The following CNBD1 variants were observed in gnomAD, a reference collection of about 807,000 sequenced individuals.
The protein encoded by CNBD1 is cyclic nucleotide binding domain containing 1.
Under a neutral mutation model 54.4 loss-of-function variants are expected in CNBD1, and 71 were observed. The ratio of observed to expected loss-of-function variants is 1.30; its 90% confidence interval spans 1.08 to 1.59. CNBD1 has a LOEUF of 1.59. Ranked by LOEUF, CNBD1 falls within the 40% of genes most tolerant of loss-of-function variation. CNBD1 has a pLI of 0.00. For synonymous variants in CNBD1, 182 were observed against 170.7 expected (o/e 1.07, Z -0.51); for missense variants, 659 against 518.0 (o/e 1.27, Z -2.64).
chr8:87,064,159 T>C (rs1411496896), intron 4 of CNBD1, among the ~76,000 whole-genome samples: 1 of 152,050 alleles, frequency 6.6e-6, no homozygotes. Context: ...CATAGAGTTG[T>C]GGTTCTCTCC....
chr8:87,252,903 T>C (rs1181337824), intron 6 of CNBD1, among the ~76,000 whole-genome samples: 1 of 152,070 alleles, frequency 6.6e-6, no homozygotes, highest in East Asian at 1.9e-4. Context: ...AAAGGAAAAG[T>C]AGGGCTTGAC....
At chr8:87,102,179 G>A (rs897854475) in intron 4 of CNBD1, among the ~76,000 whole-genome samples, 3 of 152,168 alleles carry the variant, frequency 2.0e-5, no homozygotes, top group Middle Eastern at 3.4e-3. Flanking sequence ...GAACCACTTC[G>A]TCCGGCCCAG....
chr8:87,382,507 C>T (rs1220359915), intron 10 of CNBD1, 113 bp from the exon 11 acceptor site: 4 of 742,162 alleles, frequency 5.4e-6, no homozygotes, highest in African/African-American at 1.8e-5. Context: ...TCTTTTAAAG[C>T]ATAACCCCTC....
intron 4 of CNBD1, among the ~76,000 whole-genome samples, chr8:87,198,977 C>T (rs571325233): frequency 6.6e-6 from 1 of 152,178 alleles, no homozygotes; most frequent in Admixed American, 6.5e-5. Context: ...GGGCAATAGG[C>T]ATGTCACAGG....
downstream of CNBD1, among the ~76,000 whole-genome samples, chr8:87,386,757 C>T (rs533950932): frequency 7.9e-5 from 12 of 152,176 alleles, no homozygotes; most frequent in Non-Finnish European, 1.2e-4. Context: ...ATACAGAGAA[C>T]GCCACAAAGA....
chr8:86,922,954 G>A (rs564080288), intron 3 of CNBD1, among the ~76,000 whole-genome samples: 2 of 152,236 alleles, frequency 1.3e-5, no homozygotes, highest in South Asian at 4.2e-4. Context: ...GGGGATGGGG[G>A]TGAGAACATT....
intron 4 of CNBD1, among the ~76,000 whole-genome samples, chr8:87,009,018 T>C (rs1019886853): frequency 5.3e-5 from 8 of 152,070 alleles, no homozygotes; most frequent in African/African-American, 1.9e-4. Flanking sequence ...GGTTTTTTAT[T>C]TGAACTACCA....
intron 10 of CNBD1, among the ~76,000 whole-genome samples, chr8:87,363,796 C>G (rs563221728): frequency 6.6e-6 from 1 of 151,896 alleles, no homozygotes; most frequent in South Asian, 2.1e-4. Flanking sequence ...TTCTCCCATT[C>G]TGTAGGTTGC....
chr8:86,931,062 T>G (rs1489689526), intron 3 of CNBD1, among the ~76,000 whole-genome samples: 3 of 152,130 alleles, frequency 2.0e-5, no homozygotes, highest in African/African-American at 7.2e-5. Context: ...AATATGTCCC[T>G]CCCTAATAAG....
At chr8:87,380,050 T>C (rs1811043064) in intron 10 of CNBD1, among the ~76,000 whole-genome samples, 1 of 151,794 alleles carries the variant, frequency 6.6e-6, no homozygotes, top group Non-Finnish European at 1.5e-5. Context: ...GACAATAATA[T>C]AAACTAGTAA....
chr8:87,257,425 T>A (rs56038713), intron 6 of CNBD1, among the ~76,000 whole-genome samples: 41,985 of 149,834 alleles, frequency 0.28, 6,366 homozygotes, highest in African/African-American at 0.4. Context: ...TAAATGTTTA[T>A]GTGGCCAATC....
intron 4 of CNBD1, among the ~76,000 whole-genome samples, chr8:86,987,212 G>A (rs2130520024): frequency 6.6e-6 from 1 of 152,088 alleles, no homozygotes; most frequent in East Asian, 1.9e-4. Context: ...TCTCCTTGTA[G>A]AGATCTTTTA....
At chr8:87,211,099 A>G (rs1814088271) in intron 5 of CNBD1, among the ~76,000 whole-genome samples, 1 of 152,186 alleles carries the variant, frequency 6.6e-6, no homozygotes, top group African/African-American at 2.4e-5. Flanking sequence ...ACACAGAGTC[A>G]AAGGAAGTTA....
intron 4 of CNBD1, among the ~76,000 whole-genome samples, chr8:87,027,107 A>G (rs1021630242): frequency 3.9e-5 from 6 of 152,118 alleles, no homozygotes; most frequent in Non-Finnish European, 7.4e-5. Flanking sequence ...CCAATTTGGT[A>G]AACGCAATAT....
chr8:87,417,045 A>C (rs186901698), intron 2 of CNBD1, among the ~76,000 whole-genome samples: 2 of 152,192 alleles, frequency 1.3e-5, no homozygotes, highest in East Asian at 3.9e-4. Context: ...TGATGGGATA[A>C]AGAACAAAAC....
chr8:87,020,163 G>A lies in CNBD1; in HGVS notation c.431+80409G>A, dbSNP rs1770549062. On this transcript the variant is annotated intron_variant, in intron 4 of 10. Transcript: ENST00000518476. ...TGTAAATGTTATGCCAAATGCAGCA[G>A]AAGAAAAGGCACGATTAAAGACTCG... Among the ~76,000 whole-genome samples, 5 of 151,884 alleles carry A rather than the reference G, an allele frequency of 3.3e-5. No homozygotes were observed. In the South Asian group the frequency reaches 1.0e-3, roughly 32 times the overall value.
In CNBD1 at chr8:87,007,057, C is replaced by T. The variant is rs544670223; in HGVS notation, c.431+67303C>T. 2.6e-5 allele frequency among the ~76,000 whole-genome samples: 4 copies of T among 152,086 alleles called. No homozygotes were observed. In the South Asian group the frequency reaches 6.2e-4, roughly 24 times the overall value. On this transcript the variant is annotated intron_variant, in intron 4 of 10. Transcript: ENST00000518476. ...ACTAAAAATACAAAAATTAGCCAGG[C>T]GTGGTGGTGGGCGCCTGTAATCCTA...
intron 5 of CNBD1, among the ~76,000 whole-genome samples, chr8:87,223,164 T>A: frequency 6.6e-6 from 1 of 151,230 alleles, no homozygotes; most frequent in East Asian, 1.9e-4. Context: ...TTGCCATACG[T>A]ATTTAATCTA....
At chr8:86,969,752 T>TTC (rs1478490896) in intron 4 of CNBD1, among the ~76,000 whole-genome samples, 2 of 151,240 alleles carry the variant, frequency 1.3e-5, no homozygotes, top group African/African-American at 4.9e-5. Flanking sequence ...CTAAATTTTT[T>TTC]TCTCCTATTC....
Sources: gnomAD v4.1 joint callset for allele counts (sites outside exome capture counted in the v4.1 genomes callset) on GRCh38, gnomAD v4.1.1 for gene constraint, MANE v1.5 for transcripts, NCBI Gene and HGNC (gene_info 2026-07-23, HGNC 2026-07-21) for gene names.